The following RERE variants were observed in gnomAD, a reference collection of about 807,000 sequenced individuals.
RERE encodes the protein arginine-glutamic acid dipeptide repeats, also known as arginine-glutamic acid dipeptide repeats protein.
RERE carries 40 observed loss-of-function variants against 146.1 expected under a neutral mutation model. The ratio of observed to expected loss-of-function variants is 0.27; its 90% confidence interval spans 0.21 to 0.36. The LOEUF is 0.36. Ranked by LOEUF, RERE falls within the 10% of genes least tolerant of loss-of-function variation. RERE has a pLI of 1.00. For synonymous variants in RERE, 1,003 were observed against 866.0 expected (o/e 1.16, Z -2.78); for missense variants, 1,933 against 2,138.7 (o/e 0.90, Z 1.90).
In RERE at chr1:8,356,234, G is replaced by A; in HGVS notation, c.4352C>T (p.Pro1451Leu). ...CAGGGGGTCGACCAGCGGGTGAACG[G>A]GGCCTGCTGAACCTAAGGAAAGGAC... ...QDPLHQGSAG[P>L]VHPLVDPLTA... Residue 1451 changes from proline (P) to leucine (L), a missense_variant, in exon 21 of 23, where the codon CCC becomes CTC. Transcript: ENST00000400908. This position sits in a 1 kb window ranked among gnomAD's most constrained non-coding sequence, Gnocchi z 5.2. 1 of 1,523,848 alleles carries A rather than the reference G, an allele frequency of 6.6e-7. No individual in the cohort carries two copies. 94.4% of individuals were successfully genotyped at this position (1,523,848 alleles called of 1,614,324 possible). A position where few individuals can be genotyped will look rare whatever the true frequency, so the allele number is the denominator to read the frequency against.
At chr1:8,611,087 C>T (rs552637163) in intron 4 of RERE, among the ~76,000 whole-genome samples, 1 of 152,024 alleles carries the variant, frequency 6.6e-6, no homozygotes, top group Non-Finnish European at 1.5e-5. Context: ...CCCAGCTACT[C>T]GGGAAGCTGA....
intron 7 of RERE, chr1:8,525,742 AG>A: frequency 6.3e-7 from 1 of 1,594,148 alleles, no homozygotes. Flanking sequence ...CGGTGAGGCC[AG>A]GGGAAGATAG....
At chr1:8,675,495 C>CAAAAAAAAAAAA (rs56912804) in intron 1 of RERE, among the ~76,000 whole-genome samples, 5 of 90,218 alleles carry the variant, frequency 5.5e-5, no homozygotes, top group Admixed American at 2.7e-4. Flanking sequence ...CCCATCTCTA[C>CAAAAAAAAAAAA]AAAAAAAAAA....
chr1:8,772,577 C>A (rs956494635), intron 1 of RERE, among the ~76,000 whole-genome samples: 1 of 152,042 alleles, frequency 6.6e-6, no homozygotes, highest in East Asian at 1.9e-4. Flanking sequence ...GAGTTCAAGA[C>A]TAGCCTAGCC....
intron 11 of RERE, among the ~76,000 whole-genome samples, chr1:8,442,457 G>A (rs143624395): frequency 3.3e-5 from 5 of 150,518 alleles, no homozygotes; most frequent in East Asian, 1.9e-4. Context: ...ATCATGTGAT[G>A]TGCCTGCTCC....
intron 3 of RERE, among the ~76,000 whole-genome samples, chr1:8,620,807 A>G (rs1332483785): frequency 6.6e-6 from 1 of 151,636 alleles, no homozygotes; most frequent in Non-Finnish European, 1.5e-5. Flanking sequence ...CCTGCTTTTG[A>G]CTACTTCTTC....
chr1:8,498,960 C>A (rs1204681766), intron 8 of RERE, among the ~76,000 whole-genome samples: 1 of 151,744 alleles, frequency 6.6e-6, no homozygotes, highest in Non-Finnish European at 1.5e-5. Flanking sequence ...TAGAGTATAC[C>A]TCAATAAAAA....
At chr1:8,776,118 T>C (rs1468684249) in intron 1 of RERE, among the ~76,000 whole-genome samples, 4 of 152,246 alleles carry the variant, frequency 2.6e-5, no homozygotes, top group Non-Finnish European at 4.4e-5. Flanking sequence ...ATACCAATTG[T>C]AATAATCTCT....
At chr1:8,743,404 G>A (rs572369968) in intron 1 of RERE, among the ~76,000 whole-genome samples, 7 of 149,496 alleles carry the variant, frequency 4.7e-5, no homozygotes, top group African/African-American at 7.4e-5. Flanking sequence ...TCAGCCTCCC[G>A]AGTAGCTGGG....
intron 1 of RERE, among the ~76,000 whole-genome samples, chr1:8,805,139 G>A (rs1641665466): frequency 1.3e-5 from 2 of 150,762 alleles, no homozygotes; most frequent in South Asian, 2.1e-4. Flanking sequence ...CGAGTAGCTA[G>A]GATTACAGAT....
intron 1 of RERE, among the ~76,000 whole-genome samples, chr1:8,773,013 G>A (rs986236118): frequency 6.6e-6 from 1 of 152,234 alleles, no homozygotes; most frequent in East Asian, 1.9e-4. Flanking sequence ...CTTGAACCCA[G>A]GAGGTGAAGG....
chr1:8,485,796 CTTTTT>C (rs58295004), intron 10 of RERE, among the ~76,000 whole-genome samples: 5 of 117,820 alleles, frequency 4.2e-5, no homozygotes, highest in Non-Finnish European at 5.2e-5. Flanking sequence ...TCTACAATCA[CTTTTT>C]TTTTTTTTTT....
chr1:8,405,582 C>T (rs1241988797), intron 12 of RERE, among the ~76,000 whole-genome samples: 7 of 152,134 alleles, frequency 4.6e-5, no homozygotes, highest in Admixed American at 2.0e-4. Context: ...TAGAAACAGT[C>T]GGAAGAATAT....
At chr1:8,488,285 G>A (rs1276218516) in intron 10 of RERE, among the ~76,000 whole-genome samples, 1 of 151,740 alleles carries the variant, frequency 6.6e-6, no homozygotes, top group Non-Finnish European at 1.5e-5. Flanking sequence ...CACTCTTGTT[G>A]CCCAGGCTAG....
chr1:8,468,517 A>C (rs1011293338), intron 10 of RERE, among the ~76,000 whole-genome samples: 1 of 152,258 alleles, frequency 6.6e-6, no homozygotes, highest in Non-Finnish European at 1.5e-5. Context: ...TGATCAAATC[A>C]TAAATTTTTA....
At chr1:8,642,185 A>T (rs1647189689) in intron 2 of RERE, among the ~76,000 whole-genome samples, 1 of 152,260 alleles carries the variant, frequency 6.6e-6, no homozygotes, top group Non-Finnish European at 1.5e-5. Flanking sequence ...GGATTTTAAT[A>T]TAGGACTGGC....
intron 4 of RERE, among the ~76,000 whole-genome samples, chr1:8,593,867 T>C (rs984205512): frequency 3.4e-4 from 52 of 152,290 alleles, no homozygotes; most frequent in Admixed American, 1.4e-3. Flanking sequence ...TCTGGGACCA[T>C]GGCGAGACCT....
intron 10 of RERE, among the ~76,000 whole-genome samples, chr1:8,471,092 C>G (rs971495826): frequency 6.6e-6 from 1 of 152,044 alleles, no homozygotes; most frequent in Non-Finnish European, 1.5e-5. Context: ...GTTGGGATTA[C>G]AGGTGTCAGC....
chr1:8,752,363 GA>G (rs1038661304), intron 1 of RERE, among the ~76,000 whole-genome samples: 3 of 151,522 alleles, frequency 2.0e-5, no homozygotes, highest in African/African-American at 7.3e-5. Flanking sequence ...TTTAAAAAAA[GA>G]AAAAAAATAC....
Sources: allele counts gnomAD v4.1 joint callset (sites outside exome capture counted in the v4.1 genomes callset), GRCh38; gene constraint gnomAD v4.1.1; non-coding constraint Gnocchi (gnomAD v3.1); transcripts MANE v1.5; gene names NCBI Gene and HGNC (gene_info 2026-07-23, HGNC 2026-07-21).